AP3B1: variants seen among roughly 807,000 people sequenced by gnomAD.
The protein encoded by AP3B1 is AP-3 complex subunit beta-1.
Under a neutral mutation model 132.5 loss-of-function variants are expected in AP3B1, and 61 were observed. The ratio of observed to expected loss-of-function variants is 0.46; its 90% CI spans 0.37 to 0.57. The LOEUF (loss-of-function observed/expected upper bound fraction) is 0.57, where lower values mean the gene tolerates loss of function less well. Ranked by LOEUF, AP3B1 falls within the 20% of genes least tolerant of loss-of-function variation. AP3B1 has a pLI of 0.00. For missense variants in AP3B1, 1,120 were observed against 1,289.4 expected (o/e 0.87, Z 2.01); for synonymous variants, 388 against 438.3 (o/e 0.89, Z 1.43).
rs112214336 is a variant in AP3B1 at position 78,002,861 on chromosome 5, T to C, written c.*41A>G. 0.012 allele frequency: 18,597 copies of C among 1,613,294 alleles called. 142 individuals carry two copies. The highest frequency in any genetic ancestry group is 0.013 in the Non-Finnish European group (15,551 of 1,179,224). Reference sequence around the variant, plus strand: ...GGCAGCAGTAGTGGATGCCAGGCACTTTTGTTGTGTGCCAGATTCTAAAGT... The same window carrying C: ...GGCAGCAGTAGTGGATGCCAGGCACCTTTGTTGTGTGCCAGATTCTAAAGT... On this transcript the variant is annotated 3_prime_UTR_variant, in exon 27 of 27. Transcript: ENST00000255194.
chr5:78,030,159 C>T, intron 24 of AP3B1, among the ~76,000 whole-genome samples: 1 of 152,032 alleles, frequency 6.6e-6, no homozygotes, highest in East Asian at 1.9e-4. Context: ...TAAGGTCTCA[C>T]TATGTTACCC....
intron 17 of AP3B1, 38 bp downstream of exon 17, chr5:78,127,992 C>T (rs1228082713): frequency 6.2e-7 from 1 of 1,608,320 alleles, no homozygotes; most frequent in African/African-American, 1.3e-5. Context: ...GAGTCTTCCA[C>T]TGCTTTGGCA....
At chr5:78,042,921 G>T (rs1748155531) in intron 22 of AP3B1, 2 of 185,040 alleles carry the variant, frequency 1.1e-5, no homozygotes, top group South Asian at 1.4e-4. Flanking sequence ...CTAGTCACTG[G>T]TGAAGCTCTT....
At chr5:78,076,318 G>A (rs1749765729) in intron 22 of AP3B1, among the ~76,000 whole-genome samples, 1 of 152,122 alleles carries the variant, frequency 6.6e-6, no homozygotes, top group Non-Finnish European at 1.5e-5. Flanking sequence ...TTCATATTCT[G>A]GTCTGAATAA....
At chr5:78,217,236 T>C (rs932049341) in intron 6 of AP3B1, among the ~76,000 whole-genome samples, 2 of 152,158 alleles carry the variant, frequency 1.3e-5, no homozygotes, top group African/African-American at 2.4e-5. Context: ...TTTTGAGTGT[T>C]TGTCCCTCTA....
intron 24 of AP3B1, among the ~76,000 whole-genome samples, chr5:78,026,355 C>G (rs1411616601): frequency 2.0e-5 from 3 of 152,162 alleles, no homozygotes; most frequent in Non-Finnish European, 4.4e-5. Flanking sequence ...TACATGTAAC[C>G]TCAGTTCACG....
At chr5:78,096,257 C>T (rs1311741106) in intron 21 of AP3B1, among the ~76,000 whole-genome samples, 1 of 152,214 alleles carries the variant, frequency 6.6e-6, no homozygotes, top group Non-Finnish European at 1.5e-5. Context: ...GAGTGATCCG[C>T]CAGCCTTGGC....
intron 26 of AP3B1, among the ~76,000 whole-genome samples, chr5:78,011,530 T>C (rs1746627501): frequency 6.6e-6 from 1 of 152,220 alleles, no homozygotes; most frequent in South Asian, 2.1e-4. Flanking sequence ...TCTCAATTGA[T>C]CTTTAAAAGT....
At chr5:78,204,166 T>C (rs575499817) in intron 7 of AP3B1, among the ~76,000 whole-genome samples, 4 of 152,192 alleles carry the variant, frequency 2.6e-5, no homozygotes, top group African/African-American at 9.6e-5. Flanking sequence ...TGCTAAAAAC[T>C]AGACATTTTG....
intron 1 of AP3B1, among the ~76,000 whole-genome samples, chr5:78,272,252 A>T (rs74806041): frequency 0.016 from 2,470 of 152,246 alleles, 71 homozygotes; most frequent in African/African-American, 0.057. Context: ...GAGCCAATGT[A>T]TACCTCACAT....
intron 25 of AP3B1, chr5:78,015,924 T>A (rs1279008375): frequency 4.6e-6 from 1 of 219,542 alleles, no homozygotes; most frequent in Non-Finnish European, 9.1e-6. Context: ...TATTTGTTAC[T>A]ATTGCTATTT....
intron 7 of AP3B1, among the ~76,000 whole-genome samples, chr5:78,207,244 C>G (rs919542511): frequency 1.0e-4 from 13 of 127,702 alleles, no homozygotes; most frequent in Admixed American, 1.8e-4. Context: ...GGTGACAGAA[C>G]GAGACTCAGT....
At chr5:78,202,547 T>C (rs1441745840) in intron 7 of AP3B1, among the ~76,000 whole-genome samples, 2 of 104,812 alleles carry the variant, frequency 1.9e-5, no homozygotes, top group Non-Finnish European at 4.0e-5. Flanking sequence ...ATATGCCATA[T>C]ATTCAGTGTG....
At chr5:78,065,689 A>G (rs400919) in intron 22 of AP3B1, among the ~76,000 whole-genome samples, 41,482 of 151,976 alleles carry the variant, frequency 0.27, 6,380 homozygotes, top group Admixed American at 0.4. Flanking sequence ...ACTCTGGGGA[A>G]GGGCAGCCAT....
At chr5:78,258,025 A>G (rs1580554503) in intron 2 of AP3B1, among the ~76,000 whole-genome samples, 1 of 152,218 alleles carries the variant, frequency 6.6e-6, no homozygotes, top group East Asian at 1.9e-4. Flanking sequence ...TGGATTAAAG[A>G]CTTAAATCTA....
At chr5:78,122,178 G>T (rs1752237789) in intron 17 of AP3B1, among the ~76,000 whole-genome samples, 1 of 152,126 alleles carries the variant, frequency 6.6e-6, no homozygotes, top group Non-Finnish European at 1.5e-5. Flanking sequence ...AATAAATTAG[G>T]TATTGATGGG....
chr5:78,212,236 G>A (rs762195376), intron 7 of AP3B1, among the ~76,000 whole-genome samples: 3 of 152,092 alleles, frequency 2.0e-5, no homozygotes, highest in East Asian at 1.9e-4. Context: ...AGCCAAGAAC[G>A]CACCACTGCA....
chr5:78,237,695 C>A (rs1267716848), intron 3 of AP3B1, among the ~76,000 whole-genome samples: 1 of 152,108 alleles, frequency 6.6e-6, no homozygotes, highest in Non-Finnish European at 1.5e-5. Context: ...AGCCTGTAAT[C>A]CCAGCTGCTC....
intron 26 of AP3B1, among the ~76,000 whole-genome samples, chr5:78,010,031 C>A (rs1746554342): frequency 6.6e-6 from 1 of 152,132 alleles, no homozygotes; most frequent in South Asian, 2.1e-4. Context: ...GGATTTCTGA[C>A]TATGGGTGAA....
Sources: gnomAD v4.1 joint callset for allele counts (sites outside exome capture counted in the v4.1 genomes callset) on GRCh38, gnomAD v4.1.1 for gene constraint, MANE v1.5 for transcripts, NCBI Gene and HGNC (gene_info 2026-07-23, HGNC 2026-07-21) for gene names.